ZHX2: variants seen among roughly 807,000 people sequenced by gnomAD.
ZHX2 encodes the protein zinc fingers and homeoboxes protein 2.
In ZHX2, 6 loss-of-function variants were observed where a neutral mutation model predicts 21.9. That is an observed-to-expected ratio of 0.27 (90% CI 0.15 to 0.54). The LOEUF (loss-of-function observed/expected upper bound fraction) is 0.54. ZHX2 is among the 20% of genes least tolerant of loss of function. The probability of loss-of-function intolerance (pLI) is 0.95; values close to 1 mark genes in which losing one functional copy is unlikely to be tolerated. For missense variants in ZHX2, 908 were observed against 1,090.7 expected (o/e 0.83, Z 2.36); for synonymous variants, 434 against 437.1 (o/e 0.99, Z 0.09).
intron 2 of ZHX2, among the ~76,000 whole-genome samples, chr8:122,888,563 C>A (rs1290597035): frequency 6.6e-6 from 1 of 152,140 alleles, no homozygotes; most frequent in Admixed American, 6.5e-5. Context: ...CTCACTGCAA[C>A]CTCCGCCTCC....
At chr8:122,968,762 C>T (rs2130373512) in intron 3 of ZHX2, among the ~76,000 whole-genome samples, 1 of 151,972 alleles carries the variant, frequency 6.6e-6, no homozygotes, top group South Asian at 2.1e-4. Context: ...TCACTTGAAC[C>T]TGGGAGGCAG....
chr8:122,872,214 A>C (rs1040878647), intron 2 of ZHX2, among the ~76,000 whole-genome samples: 4 of 152,338 alleles, frequency 2.6e-5, no homozygotes, highest in African/African-American at 9.6e-5. Context: ...CAGAGATAGA[A>C]GACTGCTGGG....
intron 2 of ZHX2, among the ~76,000 whole-genome samples, chr8:122,944,815 G>A (rs1056939413): frequency 6.6e-6 from 1 of 152,216 alleles, no homozygotes; most frequent in Non-Finnish European, 1.5e-5. Context: ...AAATCCATAT[G>A]TTGAGGTCCT....
intron 3 of ZHX2, among the ~76,000 whole-genome samples, chr8:122,962,205 AGCTTTCG>A (rs1377663053): frequency 6.6e-6 from 1 of 152,080 alleles, no homozygotes; most frequent in Non-Finnish European, 1.5e-5. Flanking sequence ...GTGATTTCTG[AGCTTTCG>A]GTGCACCTAT....
At chr8:122,840,017 C>A (rs1818592003) in intron 1 of ZHX2, among the ~76,000 whole-genome samples, 1 of 152,080 alleles carries the variant, frequency 6.6e-6, no homozygotes, top group Non-Finnish European at 1.5e-5. Context: ...GGCTCCCTGA[C>A]CCCAGCAGAA....
At chr8:122,839,422 G>C (rs1818574274) in intron 1 of ZHX2, among the ~76,000 whole-genome samples, 1 of 152,170 alleles carries the variant, frequency 6.6e-6, no homozygotes, top group Non-Finnish European at 1.5e-5. Context: ...TGAAGTGGCA[G>C]AGGCCTGCCC....
At chr8:122,844,113 A>G (rs1199049535) in intron 1 of ZHX2, among the ~76,000 whole-genome samples, 4 of 152,162 alleles carry the variant, frequency 2.6e-5, no homozygotes, top group Non-Finnish European at 1.5e-5. Context: ...TCCCTATGCA[A>G]GGACAAGGAA....
intron 3 of ZHX2, among the ~76,000 whole-genome samples, chr8:122,962,202 C>A (rs1813473321): frequency 6.6e-6 from 1 of 152,158 alleles, no homozygotes; most frequent in Non-Finnish European, 1.5e-5. Flanking sequence ...GGTGTGATTT[C>A]TGAGCTTTCG....
intron 1 of ZHX2, among the ~76,000 whole-genome samples, chr8:122,812,419 T>G (rs1320228056): frequency 6.6e-6 from 1 of 152,212 alleles, no homozygotes; most frequent in African/African-American, 2.4e-5. Context: ...AAAGCCCCCT[T>G]TATTTTACAG....
upstream of ZHX2, chr8:122,781,259 C>A (rs1196975334): frequency 3.3e-5 from 5 of 152,314 alleles, no homozygotes; most frequent in African/African-American, 1.2e-4. This position sits in a 1 kb window ranked among gnomAD's most constrained non-coding sequence, Gnocchi z 4.6. Context: ...TCCACGTGGT[C>A]AAGATCAACA....
At chr8:122,898,029 G>A (rs1197582107) in intron 2 of ZHX2, among the ~76,000 whole-genome samples, 1 of 152,208 alleles carries the variant, frequency 6.6e-6, no homozygotes, top group Non-Finnish European at 1.5e-5. Context: ...ATGGAAATCA[G>A]CAAGGTATGC....
At chr8:122,867,425 C>A (rs1231413078) in intron 2 of ZHX2, among the ~76,000 whole-genome samples, 2 of 152,202 alleles carry the variant, frequency 1.3e-5, no homozygotes, top group Admixed American at 1.3e-4. Context: ...GCTGAATGCA[C>A]CTGACCTGTA....
chr8:122,967,058 T>A (rs2044992525), intron 3 of ZHX2, among the ~76,000 whole-genome samples: 1 of 152,216 alleles, frequency 6.6e-6, no homozygotes, highest in Admixed American at 6.5e-5. Flanking sequence ...ATATCCTGTA[T>A]TGTTGTTTCA....
At chr8:122,921,468 T>C (rs1274166542) in intron 2 of ZHX2, among the ~76,000 whole-genome samples, 1 of 152,148 alleles carries the variant, frequency 6.6e-6, no homozygotes, top group Non-Finnish European at 1.5e-5. Context: ...CCACCACCGC[T>C]GCTGCCCCTC....
At chr8:122,891,903 G>A (rs899760342) in intron 2 of ZHX2, among the ~76,000 whole-genome samples, 2 of 152,172 alleles carry the variant, frequency 1.3e-5, no homozygotes. Context: ...TGCAGCTGTT[G>A]GATGAAATGT....
chr8:122,905,129 C>T (rs1274285080), intron 2 of ZHX2, among the ~76,000 whole-genome samples: 4 of 152,170 alleles, frequency 2.6e-5, no homozygotes, highest in Non-Finnish European at 5.9e-5. Context: ...AAAACAAGAA[C>T]CACTCGAAGA....
intron 2 of ZHX2, among the ~76,000 whole-genome samples, chr8:122,929,341 C>T (rs190776931): frequency 1.3e-5 from 2 of 152,272 alleles, no homozygotes; most frequent in East Asian, 3.9e-4. Context: ...GGCCAAGCTT[C>T]CTTACCCAGG....
intron 2 of ZHX2, among the ~76,000 whole-genome samples, chr8:122,871,728 C>CAAAAAAAAAAAAAA (rs35881741): frequency 9.3e-6 from 1 of 107,966 alleles, no homozygotes. Flanking sequence ...TTTCTCAGGG[C>CAAAAAAAAAAAAAA]AAAAAAAAAA....
chr8:122,820,988 G>T (rs1450982533), intron 1 of ZHX2, among the ~76,000 whole-genome samples: 1 of 152,124 alleles, frequency 6.6e-6, no homozygotes, highest in African/African-American at 2.4e-5. Context: ...TAAAACCTCT[G>T]CACATTGTGC....
Sources: allele counts gnomAD v4.1 joint callset (sites outside exome capture counted in the v4.1 genomes callset), GRCh38; gene constraint gnomAD v4.1.1; non-coding constraint Gnocchi (gnomAD v3.1); transcripts MANE v1.5; gene names NCBI Gene and HGNC (gene_info 2026-07-23, HGNC 2026-07-21).